The following MBP variants were observed in gnomAD, a reference collection of about 807,000 sequenced individuals.
The protein encoded by MBP is Golli-MBP.
Under a neutral mutation model 35.8 loss-of-function variants are expected in MBP, and 16 were observed. That is an observed-to-expected ratio of 0.45 (90% CI 0.30 to 0.68). The LOEUF is 0.68. Ranked by LOEUF, MBP falls within the 30% of genes least tolerant of loss-of-function variation. MBP has a pLI of 0.08. For synonymous variants in MBP, 143 were observed against 159.6 expected, an observed-to-expected ratio of 0.90 and a Z score of 0.78; for missense variants, 380 against 404.7, an observed-to-expected ratio of 0.94 and a Z score of 0.52.
chr18:77,084,401 T>A (rs1975113735), intron 2 of MBP, among the ~76,000 whole-genome samples: 1 of 104,520 alleles, frequency 9.6e-6, no homozygotes, highest in Non-Finnish European at 1.9e-5. Context: ...AAAAAGACCA[T>A]CACAACACCG....
intron 1 of MBP, chr18:77,127,833 T>C (rs571104745): frequency 6.6e-6 from 1 of 151,762 alleles, no homozygotes; most frequent in Non-Finnish European, 1.5e-5. Context: ...GAGATATCAC[T>C]ACACACTTAT....
intron 1 of MBP, among the ~76,000 whole-genome samples, chr18:77,118,208 A>G (rs1599272975): frequency 1.5e-4 from 1 of 6,754 alleles, no homozygotes; most frequent in Non-Finnish European, 2.7e-4. Context: ...TTGGGGTGGG[A>G]TGGGGACAGT....
chr18:77,060,173 A>T (rs113934836), intron 3 of MBP, among the ~76,000 whole-genome samples: 5 of 152,136 alleles, frequency 3.3e-5, no homozygotes, highest in Admixed American at 1.3e-4. Flanking sequence ...GTTTTCTCTA[A>T]CCTCCTGCCC....
Position 77,029,282 on chromosome 18 carries a change from G to A in MBP, c.140-12014C>T, listed in dbSNP as rs557838299. ...GAAAACCAGTCAGGCGTGGCGGCGC[G>A]CGCCTGCAATCGCAGGCACTCGGCA... On this transcript the variant is annotated intron_variant, in intron 3 of 8. Coordinates refer to ENST00000355994, the MANE Select transcript of MBP (RefSeq NM_001025101.2). 3.8e-3 allele frequency among the ~76,000 whole-genome samples: 563 copies of A among 149,746 alleles called. 6 individuals carry two copies. The highest frequency in any genetic ancestry group is 0.012 in the African/African-American group (504 of 40,950).
At chr18:77,071,668 T>C (rs1974455955) in intron 2 of MBP, among the ~76,000 whole-genome samples, 1 of 152,154 alleles carries the variant, frequency 6.6e-6, no homozygotes, top group African/African-American at 2.4e-5. Context: ...GCATCCTCAG[T>C]ACCTTGCCAC....
chr18:77,091,442 A>G (rs1396912945), intron 2 of MBP, among the ~76,000 whole-genome samples: 3 of 152,196 alleles, frequency 2.0e-5, no homozygotes, highest in Admixed American at 2.0e-4. Context: ...AAAATATGAT[A>G]ATTAGATTAA....
chr18:77,018,801 C>T (rs1971831072), intron 3 of MBP, among the ~76,000 whole-genome samples: 1 of 144,064 alleles, frequency 6.9e-6, no homozygotes, highest in South Asian at 2.3e-4. Context: ...TCCATTTACC[C>T]ATTTATCCAT....
rs902498470 is a variant in MBP at position 77,020,093 on chromosome 18, G to A, written c.140-2825C>T. Reference sequence around the variant, plus strand: ...TTGGGGAGCAGCGGGGCCTGGGGAGGGAAGATTCTAGTGGACGGCCTCTGT... The same window carrying A: ...TTGGGGAGCAGCGGGGCCTGGGGAGAGAAGATTCTAGTGGACGGCCTCTGT... On this transcript the variant is annotated intron_variant, in intron 3 of 8. Transcript: ENST00000355994. This position sits in a 1 kb window ranked among gnomAD's most constrained non-coding sequence, Gnocchi z 4.1. Among the ~76,000 whole-genome samples, 4 of 152,274 alleles carry A rather than the reference G, an allele frequency of 2.6e-5. No individual in the cohort carries two copies. The East Asian group carries it at 7.7e-4, about 29-fold the overall frequency.
chr18:76,998,410 T>C (rs1479247419), intron 4 of MBP, among the ~76,000 whole-genome samples: 1 of 152,222 alleles, frequency 6.6e-6, no homozygotes, highest in Non-Finnish European at 1.5e-5. Flanking sequence ...GCTCATCCAT[T>C]CACCCTTCCG....
intron 1 of MBP, chr18:77,127,190 C>T (rs1436311343): frequency 6.6e-6 from 1 of 152,142 alleles, no homozygotes; most frequent in Non-Finnish European, 1.5e-5. Context: ...GACATATAGA[C>T]TAATGGAACA....
intron 4 of MBP, 23 bp from the exon 5 acceptor site, chr18:76,990,083 C>T: frequency 1.3e-6 from 2 of 1,546,746 alleles, no homozygotes; most frequent in East Asian, 2.3e-5. Flanking sequence ...GGCGCGGTGA[C>T]CTCAGGACAA....
rs774130166 is a variant in MBP, at chr18:77,105,263, C to T, written c.-2G>A. 3.7e-6 allele frequency: 6 copies of T among 1,611,978 alleles called. No homozygotes were observed. In the South Asian group the frequency reaches 5.5e-5, roughly 15 times the overall value. On this transcript the variant is annotated 5_prime_UTR_variant, in exon 2 of 9. Coordinates refer to ENST00000355994, the MANE Select transcript of MBP (RefSeq NM_001025101.2). ...TCGTTTGCCTGCGTGGTTTCCCATC[C>T]TGAATGGATTGGCTCTTCAGAGGCT... is the stretch of plus-strand genomic sequence containing the variant.
At chr18:77,091,627 CT>C (rs927873007) in intron 2 of MBP, among the ~76,000 whole-genome samples, 47 of 148,828 alleles carry the variant, frequency 3.2e-4, no homozygotes, top group African/African-American at 8.6e-4. Context: ...ACCCACACCC[CT>C]ATACAGGTAT....
At chr18:77,019,361 G>C (rs1971891957) in intron 3 of MBP, among the ~76,000 whole-genome samples, 1 of 152,122 alleles carries the variant, frequency 6.6e-6, no homozygotes, top group Admixed American at 6.5e-5. Flanking sequence ...TCCAATCACT[G>C]GTGTCCTTGT....
At chr18:77,104,908 CTCT>C (rs1248441684) in intron 2 of MBP, among the ~76,000 whole-genome samples, 4 of 152,128 alleles carry the variant, frequency 2.6e-5, no homozygotes, top group Admixed American at 6.5e-5. Context: ...TTCTCCGTGT[CTCT>C]TTTTTCCTCC....
At chr18:77,064,375 G>A (rs145997120) in intron 3 of MBP, among the ~76,000 whole-genome samples, 5 of 152,126 alleles carry the variant, frequency 3.3e-5, no homozygotes, top group Admixed American at 6.5e-5. Context: ...ACCTGAAGGC[G>A]GTGAGTTATG....
chr18:76,988,373 AG>A lies in MBP; in HGVS notation c.750+121del, dbSNP rs1354725700. ...GGCCCGATCCCAGCTGTGGGCAGAG[AG>A]GTCTCGAGAGGAGAGAAAAGGAGGC... On this transcript the variant is annotated intron_variant, in intron 7 of 8. Coordinates refer to ENST00000355994, the MANE Select transcript of MBP (RefSeq NM_001025101.2). This position sits in a 1 kb window ranked among gnomAD's most constrained non-coding sequence, Gnocchi z 5.2. 15 of 1,613,080 alleles carry A rather than the reference AG, an allele frequency of 9.3e-6. No individual in the cohort carries two copies. The highest frequency in any genetic ancestry group is 1.3e-5 in the Non-Finnish European group (15 of 1,179,432).
At position 76,989,407 on chromosome 18, in the gene MBP, A is replaced by G. The variant is rs1312255505; in HGVS notation, c.682-495T>C. 2.6e-5 allele frequency among the ~76,000 whole-genome samples: 4 copies of G among 152,142 alleles called. No individual in the cohort carries two copies. The highest frequency in any genetic ancestry group is 9.7e-5 in the African/African-American group (4 of 41,414). On this transcript the variant is annotated intron_variant, in intron 5 of 8. Coordinates refer to ENST00000355994, the MANE Select transcript of MBP (RefSeq NM_001025101.2). The surrounding 1 kb of genome is among the most constrained non-coding windows in gnomAD (Gnocchi z 4.0). ...TTGTTTTTAATCGTCTTCGTTTTGCATGGCACTTTTCGGTTTACAGAAAAA... is the reference window on the plus strand; with the variant it reads ...TTGTTTTTAATCGTCTTCGTTTTGCGTGGCACTTTTCGGTTTACAGAAAAA...
chr18:77,051,827 C>G (rs568912853), intron 3 of MBP, among the ~76,000 whole-genome samples: 23 of 152,228 alleles, frequency 1.5e-4, no homozygotes, highest in African/African-American at 5.3e-4. Context: ...TTTGCTAAAC[C>G]TGCATGTAAC....
Sources: allele counts gnomAD v4.1 joint callset (sites outside exome capture counted in the v4.1 genomes callset), GRCh38; gene constraint gnomAD v4.1.1; non-coding constraint Gnocchi (gnomAD v3.1); transcripts MANE v1.5; gene names NCBI Gene and HGNC (gene_info 2026-07-23, HGNC 2026-07-21).